FXR1: variants seen among roughly 807,000 people sequenced by gnomAD.
The protein encoded by FXR1 is RNA-binding protein FXR1.
A neutral mutation model predicts 84.0 loss-of-function variants in FXR1; 15 were observed. That is an observed-to-expected ratio of 0.18 (90% CI 0.12 to 0.27). The LOEUF is 0.27. Ranked by LOEUF, FXR1 falls within the 10% of genes least tolerant of loss-of-function variation. FXR1 has a pLI of 1.00. For missense variants in FXR1, 480 were observed against 774.4 expected (o/e 0.62, Z 4.51); for synonymous variants, 245 against 250.7 (o/e 0.98, Z 0.21).
At chr3:180,951,237 C>G (rs1311122432) in intron 7 of FXR1, 61 bp from the exon 8 acceptor site, 33 of 1,061,120 alleles carry the variant, frequency 3.1e-5, no homozygotes, top group Non-Finnish European at 4.3e-6. Context: ...AAAACCAAAC[C>G]ATACAAAAAA....
chr3:180,976,473 A>G lies in FXR1; in HGVS notation c.*181A>G. 1 of 454,522 alleles carries G rather than the reference A, an allele frequency of 2.2e-6. No individual in the cohort carries two copies. Among genetic ancestry groups the G allele is most frequent in the Non-Finnish European group, 4.0e-6 (1 of 252,726 alleles). The allele number at this position is 454,522 out of a possible 1,614,324, so 28.2% of individuals were successfully genotyped here. A position where few individuals can be genotyped will look rare whatever the true frequency, so the allele number is the denominator to read the frequency against. The stretch of plus-strand genomic sequence containing the variant: ...ATATGTTAAACATACTTTGACACCT[A>G]CTGTGTTATAAAATATATCATCAGA... On this transcript the variant is annotated 3_prime_UTR_variant, in exon 17 of 17. Transcript: ENST00000357559.
At chr3:180,954,688 T>C (rs1056908433) in intron 9 of FXR1, among the ~76,000 whole-genome samples, 1 of 152,144 alleles carries the variant, frequency 6.6e-6, no homozygotes, top group African/African-American at 2.4e-5. Context: ...GACGAGTTTT[T>C]GTTCCCTGTT....
intron 1 of FXR1, among the ~76,000 whole-genome samples, chr3:180,928,798 T>G (rs1719539633): frequency 6.6e-6 from 1 of 152,198 alleles, no homozygotes; most frequent in South Asian, 2.1e-4. Flanking sequence ...GAACCTTTTT[T>G]TAAAAAATTG....
chr3:180,944,976 A>G (rs548240843), intron 3 of FXR1, among the ~76,000 whole-genome samples: 1 of 152,266 alleles, frequency 6.6e-6, no homozygotes, highest in Admixed American at 6.5e-5. Flanking sequence ...ACTTTTTCAT[A>G]TTTTCCAGGT....
At chr3:180,938,364 G>A (rs183924119) in intron 3 of FXR1, among the ~76,000 whole-genome samples, 1 of 152,154 alleles carries the variant, frequency 6.6e-6, no homozygotes, top group East Asian at 1.9e-4. Context: ...GTACAGTTTT[G>A]TAAACTTGGT....
At chr3:180,912,878 C>G (rs1030760333) in intron 1 of FXR1, 142 bp downstream of exon 1, 46 of 1,447,382 alleles carry the variant, frequency 3.2e-5, no homozygotes, top group African/African-American at 4.2e-5. Flanking sequence ...CTTGCTTCTC[C>G]CCCCTCCACC....
rs760887774 is a variant in FXR1, at chr3:180,951,282, T to C, written c.631-16T>C. On this transcript the variant is annotated splice_polypyrimidine_tract_variant and intron_variant, in intron 7 of 16. Coordinates refer to ENST00000357559, the MANE Select transcript of FXR1 (RefSeq NM_005087.4). ...TATTTTGATCTTTTATATTACTAATTTTCCTTTTTTATTAGTGCACAAAAC... is the reference window on the plus strand; with the variant it reads ...TATTTTGATCTTTTATATTACTAATCTTCCTTTTTTATTAGTGCACAAAAC... 1 of 1,519,752 alleles carries C rather than the reference T, an allele frequency of 6.6e-7. No homozygotes were observed. Among genetic ancestry groups the C allele is most frequent in the South Asian group, 1.2e-5 (1 of 85,914 alleles). The allele number at this position is 1,519,752 out of a possible 1,614,324, so 94.1% of individuals were successfully genotyped here.
chr3:180,919,535 C>G (rs9829808), intron 1 of FXR1, among the ~76,000 whole-genome samples: 8,805 of 152,030 alleles, frequency 0.058, 707 homozygotes, highest in African/African-American at 0.18. Flanking sequence ...CCACCTGGCT[C>G]AGCCTCCCAA....
rs371989214 is a variant in FXR1, at chr3:180,963,092, TAAAAA to T, written c.1198+7_1198+11del. The T allele has an allele frequency of 5.7e-4, 771 of 1,353,096 alleles. No individual in the cohort carries two copies. The African/African-American group carries it at 0.011, about 19-fold the overall frequency. 83.8% of individuals were successfully genotyped at this position (1,353,096 alleles called of 1,614,324 possible). ...GACCTAATTACACCTCCGGTTATGG[TAAAAA>T]AAAATTTTTTTTTTTTTTTTTTGGT... On this transcript the variant is annotated splice_donor_5th_base_variant and intron_variant, in intron 13 of 16. Coordinates refer to ENST00000357559, the MANE Select transcript of FXR1 (RefSeq NM_005087.4).
intron 15 of FXR1, chr3:180,970,768 C>A (rs971874752): frequency 5.2e-5 from 8 of 155,276 alleles, no homozygotes; most frequent in Non-Finnish European, 1.1e-4. Flanking sequence ...GCTAAAATGT[C>A]ATTAACTTCG....
chr3:180,941,059 G>C (rs918499320), intron 3 of FXR1, among the ~76,000 whole-genome samples: 1 of 151,856 alleles, frequency 6.6e-6, no homozygotes, highest in South Asian at 2.1e-4. Context: ...CAGGCATTAT[G>C]GTTATATATC....
chr3:180,945,340 T>C lies in FXR1; in HGVS notation c.199-2525T>C, dbSNP rs77245868. Among the ~76,000 whole-genome samples, 4 of 152,378 alleles carry C rather than the reference T, an allele frequency of 2.6e-5. No homozygotes were observed. In the East Asian group the frequency reaches 7.7e-4, roughly 29 times the overall value. On this transcript the variant is annotated intron_variant, in intron 3 of 16. Transcript: ENST00000357559. ...TTTGTATACACATCTGCTTTTGACA[T>C]TTCCACTTACGAAGTACATTTTGGC... is the stretch of plus-strand genomic sequence containing the variant.
intron 13 of FXR1, among the ~76,000 whole-genome samples, chr3:180,963,491 A>C (rs897324498): frequency 1.3e-5 from 2 of 152,136 alleles, no homozygotes; most frequent in African/African-American, 4.8e-5. Context: ...TTAAGTAAAA[A>C]ATGAAAAGTG....
At chr3:180,971,246 C>T (rs990452062) in intron 15 of FXR1, 15 of 332,800 alleles carry the variant, frequency 4.5e-5, no homozygotes, top group Non-Finnish European at 7.5e-5. Context: ...CTTACATGTA[C>T]ACATGTGTGC....
In FXR1 at chr3:180,968,069, C is replaced by G. The variant is rs1713064411; in HGVS notation, c.1217C>G (p.Ser406Cys). The change falls in exon 14 of 17, where the codon TCT (serine) becomes TGT (cysteine). Residue 406 changes from serine to cysteine, a missense_variant. Physicochemically the swap from Ser to Cys is moderately radical, Grantham distance 112. This residue lies in a region of FXR1 where 157 missense variants were observed against 227.8 expected (regional missense o/e 0.69). Coordinates refer to ENST00000357559, the MANE Select transcript of FXR1 (RefSeq NM_005087.4). ...TTCCAAGGTACAAATTCTGAGCTGT[C>G]TAACCCCTCTGAAACGGAATCTGAG... ...TSGYGTNSEL[S>C]NPSETESERK... 5 of 1,610,916 alleles carry G rather than the reference C, an allele frequency of 3.1e-6. No individual in the cohort carries two copies. The South Asian group carries it at 5.5e-5, about 18-fold the overall frequency.
chr3:180,963,083 C>T lies in FXR1; in HGVS notation c.1191C>T (p.Ser397=), dbSNP rs370623678. ...GRGRRGPNYT[S]GYGTNSELSN... ...GTCGTCGGGGACCTAATTACACCTC[C>T]GGTTATGGTAAAAAAAAATTTTTTT... The change falls in exon 13 of 17, where the codon TCC becomes TCT. Residue 397 remains serine (S), a synonymous_variant. Transcript: ENST00000357559. 5.0e-5 allele frequency: 74 copies of T among 1,468,134 alleles called. No homozygotes were observed. The highest frequency in any genetic ancestry group is 6.8e-5 in the East Asian group (3 of 44,014). 90.9% of individuals were successfully genotyped at this position (1,468,134 alleles called of 1,614,324 possible). A position where few individuals can be genotyped will look rare whatever the true frequency, so the allele number is the denominator to read the frequency against.
intron 15 of FXR1, among the ~76,000 whole-genome samples, chr3:180,974,490 A>G (rs1713976129): frequency 6.6e-6 from 1 of 152,328 alleles, no homozygotes; most frequent in Admixed American, 6.5e-5. Flanking sequence ...AAAGTGAGTC[A>G]GTCCACATAC....
At chr3:180,957,702 G>A in intron 9 of FXR1, 117 bp from the exon 10 acceptor site, 1 of 562,114 alleles carries the variant, frequency 1.8e-6, no homozygotes, top group East Asian at 3.0e-5. Flanking sequence ...TAAAAAGATG[G>A]GAGCTTCACT....
chr3:180,921,358 A>G (rs1718566846), intron 1 of FXR1, among the ~76,000 whole-genome samples: 2 of 150,376 alleles, frequency 1.3e-5, no homozygotes. Context: ...AGCCTGGGCA[A>G]CAGAAACTCC....
Sources: allele counts gnomAD v4.1 joint callset (sites outside exome capture counted in the v4.1 genomes callset), GRCh38; gene constraint gnomAD v4.1.1; regional missense constraint gnomAD v4.1.1; transcripts MANE v1.5; gene names NCBI Gene and HGNC (gene_info 2026-07-23, HGNC 2026-07-21).